The following TENM1 variants were observed in gnomAD, a reference collection of about 807,000 sequenced individuals.
TENM1 encodes teneurin transmembrane protein 1.
In TENM1, 35 loss-of-function variants were observed where a neutral mutation model predicts 174.8. That is an observed-to-expected ratio of 0.20 (90% CI 0.15 to 0.27). The LOEUF is 0.27. TENM1 is among the 10% of genes least tolerant of loss of function. TENM1 has a pLI of 1.00. For synonymous variants in TENM1, 781 were observed against 798.7 expected, an observed-to-expected ratio of 0.98 and a Z score of 0.37; for missense variants, 1,633 against 2,130.1, an observed-to-expected ratio of 0.77 and a Z score of 4.59.
chrX:124,693,057 C>T (rs2052566834), intron 5 of TENM1, among the ~76,000 whole-genome samples: 1 of 106,730 alleles, frequency 9.4e-6, no homozygotes, highest in Non-Finnish European at 1.9e-5. Flanking sequence ...AAATGCTGCT[C>T]TACTCTTACC....
At chrX:124,728,362 T>C (rs1243482294) in intron 4 of TENM1, among the ~76,000 whole-genome samples, 1 of 111,370 alleles carries the variant, frequency 9.0e-6, no homozygotes, top group Non-Finnish European at 1.9e-5. Context: ...GCTCACAGAG[T>C]GGCCAACCTG....
chrX:124,770,816 A>C lies in TENM1; in HGVS notation c.536-33619T>G, dbSNP rs186921980. On this transcript the variant is annotated intron_variant, in intron 3 of 31. Coordinates refer to ENST00000422452, the Ensembl canonical transcript of TENM1. The stretch of plus-strand genomic sequence containing the variant: ...TTTAAGCCTGCATAGTATTCCCTTC[A>C]TGGATCTTATAGTTTATTCAATGTG... 8.7e-3 allele frequency among the ~76,000 whole-genome samples: 957 copies of C among 110,319 alleles called. 5 individuals are homozygous for C. Among genetic ancestry groups the C allele is most frequent in the Non-Finnish European group, 0.014 (716 of 52,850 alleles).
intron 1 of TENM1, among the ~76,000 whole-genome samples, chrX:124,939,256 A>G (rs185475063): frequency 8.9e-6 from 1 of 111,853 alleles, no homozygotes; most frequent in African/African-American, 3.2e-5. Context: ...CTTGACAAAG[A>G]CCACAAGATT....
the TENM1 span, among the ~76,000 whole-genome samples, chrX:125,093,582 G>C: frequency 9.0e-6 from 1 of 110,980 alleles, no homozygotes; most frequent in African/African-American, 3.3e-5. Context: ...CATTTACAGC[G>C]TATATATGAC....
At chrX:124,568,121 T>C (rs765677920) in intron 11 of TENM1, among the ~76,000 whole-genome samples, 1 of 112,038 alleles carries the variant, frequency 8.9e-6, no homozygotes, top group South Asian at 3.7e-4. Flanking sequence ...TTAAATTGCA[T>C]GTCTTGGCTC....
At chrX:125,188,613 A>T in the TENM1 span, among the ~76,000 whole-genome samples, 11 of 111,749 alleles carry the variant, frequency 9.8e-5, no homozygotes, top group Non-Finnish European at 2.1e-4. Flanking sequence ...ACAATACTTA[A>T]ATGCCATATT....
At chrX:124,983,035 T>C in the TENM1 span, among the ~76,000 whole-genome samples, 1 of 112,205 alleles carries the variant, frequency 8.9e-6, no homozygotes, top group Non-Finnish European at 1.9e-5. Flanking sequence ...CAAAAACACA[T>C]GTTGTATGTC....
chrX:124,924,937 G>T (rs901859606), intron 1 of TENM1, among the ~76,000 whole-genome samples: 2 of 110,106 alleles, frequency 1.8e-5, no homozygotes, highest in Non-Finnish European at 3.8e-5. Flanking sequence ...GGCCATAGAG[G>T]CTATTGTGCC....
intron 4 of TENM1, among the ~76,000 whole-genome samples, chrX:124,718,764 C>G (rs1477625899): frequency 8.9e-6 from 1 of 111,825 alleles, no homozygotes; most frequent in Non-Finnish European, 1.9e-5. Flanking sequence ...AAAAAGTGAT[C>G]CAGCAACAAT....
chrX:124,689,431 G>A (rs1167078413), intron 5 of TENM1, among the ~76,000 whole-genome samples: 1 of 111,780 alleles, frequency 8.9e-6, no homozygotes, highest in East Asian at 2.8e-4. Flanking sequence ...AGAAGATCGT[G>A]TTGCCATTAA....
chrX:125,152,960 A>G, the TENM1 span, among the ~76,000 whole-genome samples: 1 of 112,094 alleles, frequency 8.9e-6, no homozygotes, highest in Admixed American at 9.5e-5. Context: ...GAACTGTCTT[A>G]GTAATATTCA....
intron 11 of TENM1, among the ~76,000 whole-genome samples, chrX:124,574,475 A>G (rs1373153665): frequency 1.8e-5 from 2 of 111,518 alleles, no homozygotes; most frequent in African/African-American, 6.5e-5. Flanking sequence ...AACAAGGAAA[A>G]GACACCTCTG....
At chrX:124,399,615 G>A (rs779161505) in intron 27 of TENM1, among the ~76,000 whole-genome samples, 4 of 112,048 alleles carry the variant, frequency 3.6e-5, no homozygotes, top group African/African-American at 9.7e-5. Context: ...ATATACAGGT[G>A]AAATGGTATA....
chrX:124,855,475 T>C (rs1217521310), intron 3 of TENM1, among the ~76,000 whole-genome samples: 2 of 111,515 alleles, frequency 1.8e-5, no homozygotes, highest in African/African-American at 3.3e-5. Flanking sequence ...AAGTGCTTGA[T>C]TGAGCTTTTA....
At chrX:124,642,035 A>G in intron 10 of TENM1, 44 bp from the exon 14 acceptor site, 1 of 996,427 alleles carries the variant, frequency 1.0e-6, no homozygotes, top group Non-Finnish European at 1.4e-6. Flanking sequence ...TTAATAGTGA[A>G]CAGGTATGGC....
Position 124,645,351 on chromosome X carries a change from A to G in TENM1, c.1682-14T>C. 1 of 1,199,087 alleles carries G rather than the reference A, an allele frequency of 8.3e-7. No individual in the cohort carries two copies. Among genetic ancestry groups the G allele is most frequent in the Non-Finnish European group, 1.1e-6 (1 of 886,651 alleles). On this transcript the variant is annotated splice_polypyrimidine_tract_variant and intron_variant, in intron 9 of 31. Transcript: ENST00000422452. Reference sequence around the variant, plus strand: ...CAGGGCAGGAATCTGAAGGTTGGCAAATGAACTTGTAATGTTCTCATAATG... The same window carrying G: ...CAGGGCAGGAATCTGAAGGTTGGCAGATGAACTTGTAATGTTCTCATAATG...
At chrX:124,994,595 C>T in the TENM1 span, among the ~76,000 whole-genome samples, 1 of 110,934 alleles carries the variant, frequency 9.0e-6, no homozygotes, top group Admixed American at 9.6e-5. Flanking sequence ...AGGAATGACA[C>T]ACCATCTACC....
At chrX:125,005,241 T>C in the TENM1 span, among the ~76,000 whole-genome samples, 1 of 106,593 alleles carries the variant, frequency 9.4e-6, no homozygotes, top group African/African-American at 3.4e-5. Flanking sequence ...AATAATTCTA[T>C]GGCCAAATCA....
chrX:124,935,731 T>C (rs931089755), intron 1 of TENM1, among the ~76,000 whole-genome samples: 5 of 112,804 alleles, frequency 4.4e-5, no homozygotes, highest in Admixed American at 1.9e-4. Flanking sequence ...TGCAACTGCC[T>C]ATTTATATTC....
Sources: gnomAD v4.1 joint callset for allele counts (sites outside exome capture counted in the v4.1 genomes callset) on GRCh38, gnomAD v4.1.1 for gene constraint, MANE v1.5 for transcripts, NCBI Gene and HGNC (gene_info 2026-07-23, HGNC 2026-07-21) for gene names.